The following AGTPBP1 variants were observed in gnomAD, a reference collection of about 807,000 sequenced individuals.
The protein encoded by AGTPBP1 is ATP/GTP binding carboxypeptidase 1.
In AGTPBP1, 70 loss-of-function variants were observed where a neutral mutation model predicts 143.9. The ratio of observed to expected loss-of-function variants is 0.49; its 90% CI spans 0.40 to 0.59. AGTPBP1 has a LOEUF of 0.59. Among genes scored for constraint, AGTPBP1 ranks in the 20% least tolerant of loss-of-function variants. The pLI, the probability that AGTPBP1 is intolerant of heterozygous loss-of-function variation, is 0.00. For synonymous variants in AGTPBP1, 463 were observed against 500.2 expected, an observed-to-expected ratio of 0.93 and a Z score of 0.99; for missense variants, 1,229 against 1,464.5, an observed-to-expected ratio of 0.84 and a Z score of 2.62.
intron 12 of AGTPBP1, among the ~76,000 whole-genome samples, chr9:85,643,268 A>G (rs1253059673): frequency 6.6e-6 from 1 of 152,218 alleles, no homozygotes; most frequent in African/African-American, 2.4e-5. Flanking sequence ...GGTGATAATA[A>G]AACAGCTAAC....
At chr9:85,788,931 C>T in the AGTPBP1 span, among the ~76,000 whole-genome samples, 124 of 151,632 alleles carry the variant, frequency 8.2e-4, no homozygotes, top group African/African-American at 2.5e-3. Flanking sequence ...ATGTGCTATG[C>T]GTTATTTAGG....
At position 85,618,020 on chromosome 9, in the gene AGTPBP1, A is replaced by G. The variant is rs551394505; in HGVS notation, c.2335+963T>C. Among the ~76,000 whole-genome samples, 386 of 152,230 alleles carry G rather than the reference A, an allele frequency of 2.5e-3. 3 individuals are homozygous for G. Among genetic ancestry groups the G allele is most frequent in the Non-Finnish European group, 4.8e-3 (326 of 67,988 alleles). On this transcript the variant is annotated intron_variant, in intron 17 of 25. Transcript: ENST00000357081. ...TTTGGGAAGCCAAGGTGGGCAGATC[A>G]CTCGAGGTCAGGAGTGCGAGACCAG...
chr9:85,640,094 ATTTATG>A (rs991020618), intron 13 of AGTPBP1, among the ~76,000 whole-genome samples: 13 of 152,242 alleles, frequency 8.5e-5, no homozygotes, highest in African/African-American at 3.1e-4. Context: ...AACTAACTTC[ATTTATG>A]TTTATTATCT....
intron 17 of AGTPBP1, among the ~76,000 whole-genome samples, chr9:85,605,029 C>T (rs1031386651): frequency 2.0e-5 from 3 of 151,856 alleles, no homozygotes; most frequent in African/African-American, 7.3e-5. Context: ...GAGTTATTGG[C>T]CTTAAAGAGG....
intron 1 of AGTPBP1, among the ~76,000 whole-genome samples, chr9:85,736,937 T>C (rs1255377199): frequency 6.6e-6 from 1 of 152,120 alleles, no homozygotes; most frequent in African/African-American, 2.4e-5. Context: ...AAACCCCATT[T>C]CTACTAAAAC....
At chr9:85,689,281 T>C (rs977837123) in intron 3 of AGTPBP1, among the ~76,000 whole-genome samples, 1 of 152,284 alleles carries the variant, frequency 6.6e-6, no homozygotes. Context: ...TATCTGGCCC[T>C]TCCCAGAAAA....
intron 8 of AGTPBP1, among the ~76,000 whole-genome samples, chr9:85,663,485 CA>C (rs1319201812): frequency 1.3e-5 from 2 of 151,886 alleles, no homozygotes; most frequent in Non-Finnish European, 2.9e-5. Flanking sequence ...AACCACATCC[CA>C]GAAAAACCTC....
intron 8 of AGTPBP1, among the ~76,000 whole-genome samples, chr9:85,666,224 TGGG>T (rs1834122590): frequency 6.6e-6 from 1 of 152,084 alleles, no homozygotes; most frequent in Non-Finnish European, 1.5e-5. Flanking sequence ...TCCAAACCTA[TGGG>T]GAAACTCAAA....
chr9:85,582,133 C>G (rs1828304732), intron 23 of AGTPBP1, among the ~76,000 whole-genome samples: 1 of 151,942 alleles, frequency 6.6e-6, no homozygotes, highest in African/African-American at 2.4e-5. Flanking sequence ...TTTCTGTCAC[C>G]CTTAACGTTA....
At chr9:85,779,230 G>A in the AGTPBP1 span, among the ~76,000 whole-genome samples, 1 of 86,320 alleles carries the variant, frequency 1.2e-5, no homozygotes, top group African/African-American at 4.1e-5. Context: ...TATAGATATA[G>A]ATATAGATAT....
Position 85,547,201 on chromosome 9 carries a change from T to C in AGTPBP1, c.3589A>G (p.Ile1197Val), listed in dbSNP as rs747824329. 23 of 1,613,752 alleles carry C rather than the reference T, an allele frequency of 1.4e-5. No individual in the cohort carries two copies. The South Asian group carries it at 2.1e-4, about 15-fold the overall frequency. ...YSAESNDELD[I>V]ELAENVGDYE... ...TCTCCTACATTTTCAGCCAACTCAA[T>C]ATCTAACTCATCATTACTTTCTGCA... Residue 1197 changes from isoleucine to valine, a missense_variant, in exon 26 of 26, where the codon ATT becomes GTT. This residue lies in a region of AGTPBP1 where 486 missense variants were observed against 652.3 expected (regional missense o/e 0.75). Coordinates refer to ENST00000357081, the MANE Select transcript of AGTPBP1 (RefSeq NM_001330701.2).
intron 13 of AGTPBP1, among the ~76,000 whole-genome samples, chr9:85,636,660 AAGAAAAGGAAAAC>A (rs1832073979): frequency 6.6e-6 from 1 of 152,186 alleles, no homozygotes; most frequent in Non-Finnish European, 1.5e-5. Context: ...CAGAGAGGCA[AAGAAAAGGAAAAC>A]AGAAAAAAGA....
chr9:85,730,522 T>C (rs957656390), intron 1 of AGTPBP1, among the ~76,000 whole-genome samples: 1 of 152,160 alleles, frequency 6.6e-6, no homozygotes, highest in African/African-American at 2.4e-5. Flanking sequence ...GGCTCCTCAG[T>C]GTGTGCTGCT....
chr9:85,626,743 A>T (rs1292507010), intron 14 of AGTPBP1, among the ~76,000 whole-genome samples: 3 of 152,218 alleles, frequency 2.0e-5, no homozygotes, highest in African/African-American at 7.2e-5. Context: ...CAACTCTGCC[A>T]TGGTAGCACA....
At chr9:85,661,668 G>A (rs1429356342) in intron 8 of AGTPBP1, among the ~76,000 whole-genome samples, 1 of 152,056 alleles carries the variant, frequency 6.6e-6, no homozygotes, top group Non-Finnish European at 1.5e-5. Context: ...GTCACACATA[G>A]TGAAATCAAC....
rs55882437 is a variant in AGTPBP1, at chr9:85,572,004, G to GT, written c.3503+3310dup. Among the ~76,000 whole-genome samples the GT allele has an allele frequency of 2.5e-3, 107 of 43,486 alleles. 19 individuals carry two copies. Among genetic ancestry groups the GT allele is most frequent in the Non-Finnish European group, 4.4e-3 (88 of 19,982 alleles). 28.5% of individuals were successfully genotyped at this position (43,486 alleles called of 152,430 possible). A position where few individuals can be genotyped will look rare whatever the true frequency, so the allele number is the denominator to read the frequency against. ...TGGCCATTATTAGTTGTTTGTGTGT[G>GT]TTTTTTTTTTTTTTTTTTTTTTTTT... On this transcript the variant is annotated intron_variant, in intron 25 of 25. Transcript: ENST00000357081.
chr9:85,700,568 G>T (rs112709336), intron 2 of AGTPBP1, among the ~76,000 whole-genome samples: 51 of 152,290 alleles, frequency 3.3e-4, no homozygotes, highest in Middle Eastern at 3.4e-3. Context: ...ACCAGCCCTT[G>T]TGACTACCAC....
chr9:85,600,999 C>A (rs569247240), intron 17 of AGTPBP1, among the ~76,000 whole-genome samples: 48 of 152,318 alleles, frequency 3.2e-4, no homozygotes, highest in African/African-American at 1.1e-3. Context: ...ATTGCTGTCA[C>A]TGGGGCCAAA....
intron 2 of AGTPBP1, among the ~76,000 whole-genome samples, chr9:85,693,576 C>T (rs777733864): frequency 1.3e-5 from 2 of 151,978 alleles, no homozygotes; most frequent in Non-Finnish European, 1.5e-5. Context: ...CCAGCCTGGG[C>T]GACAGAGCAA....
Sources: allele counts gnomAD v4.1 joint callset (sites outside exome capture counted in the v4.1 genomes callset), GRCh38; gene constraint gnomAD v4.1.1; regional missense constraint gnomAD v4.1.1; transcripts MANE v1.5; gene names NCBI Gene and HGNC (gene_info 2026-07-23, HGNC 2026-07-21).